OLFM3: variants seen among roughly 807,000 people sequenced by gnomAD.
The protein encoded by OLFM3 is olfactomedin 3, also known as noelin-3.
In OLFM3, 20 loss-of-function variants were observed where a neutral mutation model predicts 48.6. That is an observed-to-expected ratio of 0.41 (90% CI 0.29 to 0.60). OLFM3 has a LOEUF of 0.60. Ranked by LOEUF, OLFM3 falls within the 20% of genes least tolerant of loss-of-function variation. The probability of loss-of-function intolerance (pLI) is 0.28; values close to 1 mark genes in which losing one functional copy is unlikely to be tolerated. For missense variants in OLFM3, 437 were observed against 544.3 expected (o/e 0.80, Z 1.96); for synonymous variants, 222 against 198.1 (o/e 1.12, Z -1.01).
chr1:101,996,611 TG>T, intron 1 of OLFM3, 136 bp downstream of exon 1: 1 of 819,430 alleles, frequency 1.2e-6, no homozygotes, highest in Non-Finnish European at 2.0e-6. Flanking sequence ...TTCCAAGCAG[TG>T]GGGATACGCC....
intron 1 of OLFM3, among the ~76,000 whole-genome samples, chr1:101,982,073 T>G (rs768514358): frequency 3.9e-5 from 6 of 152,198 alleles, no homozygotes; most frequent in Non-Finnish European, 7.3e-5. Flanking sequence ...TGAAGGCCAG[T>G]TTAATCAAGC....
intron 1 of OLFM3, among the ~76,000 whole-genome samples, chr1:101,880,560 AT>A (rs1657483307): frequency 6.6e-6 from 1 of 151,814 alleles, no homozygotes; most frequent in South Asian, 2.1e-4. Flanking sequence ...TGGTTGGGGC[AT>A]TTTTAAGATG....
chr1:101,966,116 T>G (rs1024619445), intron 1 of OLFM3, among the ~76,000 whole-genome samples: 3 of 152,190 alleles, frequency 2.0e-5, no homozygotes, highest in African/African-American at 7.2e-5. Context: ...GTAACATTTC[T>G]TGTTGATTTT....
intron 1 of OLFM3, among the ~76,000 whole-genome samples, chr1:101,888,861 C>G (rs1415746029): frequency 6.6e-6 from 1 of 152,176 alleles, no homozygotes; most frequent in Non-Finnish European, 1.5e-5. Context: ...AGACACTTCT[C>G]AAAAGAAGAC....
chr1:101,932,703 G>A (rs755003867), intron 1 of OLFM3, among the ~76,000 whole-genome samples: 1 of 152,156 alleles, frequency 6.6e-6, no homozygotes, highest in Non-Finnish European at 1.5e-5. Context: ...AACCCACACA[G>A]ATGACAAAGA....
At chr1:101,991,643 T>C (rs1438415645) in intron 1 of OLFM3, among the ~76,000 whole-genome samples, 1 of 151,656 alleles carries the variant, frequency 6.6e-6, no homozygotes, top group Non-Finnish European at 1.5e-5. Context: ...GTTTTTACTT[T>C]ACATTTCCCT....
intron 1 of OLFM3, among the ~76,000 whole-genome samples, chr1:101,971,999 A>G (rs529117774): frequency 2.6e-5 from 4 of 151,958 alleles, no homozygotes; most frequent in African/African-American, 9.6e-5. Context: ...TGACTTCAAG[A>G]TAATTTTTTA....
At chr1:101,952,668 A>G (rs1210601876) in intron 1 of OLFM3, among the ~76,000 whole-genome samples, 3 of 152,158 alleles carry the variant, frequency 2.0e-5, no homozygotes, top group Non-Finnish European at 4.4e-5. Flanking sequence ...TGAAACTACT[A>G]AGATAAATAA....
chr1:101,952,932 G>A (rs1193077194), intron 1 of OLFM3, among the ~76,000 whole-genome samples: 3 of 152,136 alleles, frequency 2.0e-5, no homozygotes, highest in African/African-American at 7.2e-5. Flanking sequence ...CTAGTCTTCA[G>A]TGGCTATTCA....
intron 1 of OLFM3, among the ~76,000 whole-genome samples, chr1:101,841,367 G>T (rs571419376): frequency 6.6e-6 from 1 of 152,264 alleles, no homozygotes; most frequent in Non-Finnish European, 1.5e-5. Context: ...CATCCATTTT[G>T]TTAATGCCAT....
At chr1:101,857,028 A>T (rs1656449907) in intron 1 of OLFM3, among the ~76,000 whole-genome samples, 1 of 152,068 alleles carries the variant, frequency 6.6e-6, no homozygotes, top group Non-Finnish European at 1.5e-5. Context: ...AGAAACTGAC[A>T]GTAAAATTTA....
intron 1 of OLFM3, among the ~76,000 whole-genome samples, chr1:101,898,933 AATTC>A (rs1658297888): frequency 6.6e-6 from 1 of 152,192 alleles, no homozygotes; most frequent in South Asian, 2.1e-4. Context: ...CTTATTCAGC[AATTC>A]ATTCATTCAT....
chr1:101,994,464 T>G (rs2101126155), intron 1 of OLFM3, among the ~76,000 whole-genome samples: 1 of 150,714 alleles, frequency 6.6e-6, no homozygotes, highest in Non-Finnish European at 1.5e-5. Flanking sequence ...TTTTAAAATC[T>G]AAGCCCTTAA....
intron 1 of OLFM3, among the ~76,000 whole-genome samples, chr1:101,944,043 A>AT (rs35316390): frequency 0.4 from 59,607 of 149,422 alleles, 12,195 homozygotes; most frequent in East Asian, 0.51. Context: ...GGTTGTATAT[A>AT]TTTTTATATA....
At chr1:101,871,223 T>A (rs1250958678) in intron 1 of OLFM3, among the ~76,000 whole-genome samples, 1 of 152,130 alleles carries the variant, frequency 6.6e-6, no homozygotes, top group Admixed American at 6.6e-5. Context: ...GGAATGAATA[T>A]GTTTTAAGAC....
chr1:101,913,827 T>A (rs1445075611), intron 1 of OLFM3, among the ~76,000 whole-genome samples: 1 of 152,042 alleles, frequency 6.6e-6, no homozygotes, highest in East Asian at 1.9e-4. Flanking sequence ...AGAAATACAA[T>A]GATTTAAATG....
chr1:101,978,931 TCC>T (rs1661029388), intron 1 of OLFM3, among the ~76,000 whole-genome samples: 1 of 152,174 alleles, frequency 6.6e-6, no homozygotes. Flanking sequence ...CCATATGTGA[TCC>T]CTGTCTCCTT....
intron 1 of OLFM3, among the ~76,000 whole-genome samples, chr1:101,922,325 T>C (rs77358902): frequency 0.015 from 2,295 of 152,294 alleles, 66 homozygotes; most frequent in African/African-American, 0.053. Context: ...GGCTCTTAAT[T>C]TATTATGCAG....
rs1300015333 is a variant in OLFM3 at position 101,806,172 on chromosome 1, T to C, written c.603A>G (p.Lys201=). ...RDCMKKLTCG[K]LMKITGPVTV... ...TAACTGGGCCTGTGATTTTCATCAG[T>C]TTGCCACATGCTGAAATTAGAGAAA... Residue 201 remains lysine, a synonymous_variant, in exon 5 of 6, where the codon AAA becomes AAG. Coordinates refer to ENST00000370103, the MANE Select transcript of OLFM3 (RefSeq NM_058170.4). 6.2e-7 allele frequency: 1 copy of C among 1,611,508 alleles called. No individual in the cohort carries two copies. The highest frequency in any genetic ancestry group is 1.1e-5 in the South Asian group (1 of 91,008).
Sources: gnomAD v4.1 joint callset for allele counts (sites outside exome capture counted in the v4.1 genomes callset) on GRCh38, gnomAD v4.1.1 for gene constraint, MANE v1.5 for transcripts, NCBI Gene and HGNC (gene_info 2026-07-23, HGNC 2026-07-21) for gene names.